Variants in AGBL4 observed in about 807,000 individuals in gnomAD.
The protein encoded by AGBL4 is cytosolic carboxypeptidase 6.
A neutral mutation model predicts 66.4 loss-of-function variants in AGBL4; 58 were observed. The observed-to-expected ratio is 0.87, with a 90% CI of 0.71 to 1.09. The LOEUF (loss-of-function observed/expected upper bound fraction) is 1.09, where lower values mean the gene tolerates loss of function less well. AGBL4 is among the 50% of genes least tolerant of loss of function. The pLI is 0.00. For missense variants in AGBL4, 579 were observed against 631.0 expected (o/e 0.92, Z 0.88); for synonymous variants, 234 against 222.9 (o/e 1.05, Z -0.44).
chr1:49,856,585 A>G (rs1433163329), intron 1 of AGBL4, among the ~76,000 whole-genome samples: 1 of 152,140 alleles, frequency 6.6e-6, no homozygotes, highest in Non-Finnish European at 1.5e-5. Flanking sequence ...ACAAAAATCA[A>G]TAAATGTGAT....
chr1:49,461,900 T>C (rs575631985), intron 3 of AGBL4, among the ~76,000 whole-genome samples: 2 of 151,802 alleles, frequency 1.3e-5, no homozygotes, highest in Non-Finnish European at 2.9e-5. Context: ...TCCAAGACTT[T>C]GCTATTGTGA....
chr1:48,549,156 C>T (rs1322581600), intron 11 of AGBL4, among the ~76,000 whole-genome samples: 3 of 152,164 alleles, frequency 2.0e-5, no homozygotes, highest in Non-Finnish European at 2.9e-5. Flanking sequence ...ATTAATTGTG[C>T]AGAGGGATAG....
chr1:48,972,054 T>A (rs1420907123), intron 5 of AGBL4, among the ~76,000 whole-genome samples: 1 of 152,208 alleles, frequency 6.6e-6, no homozygotes, highest in Non-Finnish European at 1.5e-5. Flanking sequence ...TTGTCCTGCA[T>A]GACTATGGGT....
chr1:49,740,874 C>T (rs931271863), intron 2 of AGBL4, among the ~76,000 whole-genome samples: 1 of 152,124 alleles, frequency 6.6e-6, no homozygotes, highest in African/African-American at 2.4e-5. Flanking sequence ...CACAACATAC[C>T]AGAATCTCTG....
At chr1:49,009,973 C>T (rs1305026566) in intron 5 of AGBL4, among the ~76,000 whole-genome samples, 3 of 151,978 alleles carry the variant, frequency 2.0e-5, no homozygotes, top group Non-Finnish European at 2.9e-5. Flanking sequence ...TGGCACAAGA[C>T]AGGGATGCCC....
At chr1:48,939,865 CG>C (rs1655805492) in intron 5 of AGBL4, among the ~76,000 whole-genome samples, 1 of 152,172 alleles carries the variant, frequency 6.6e-6, no homozygotes, top group Non-Finnish European at 1.5e-5. Context: ...TAACCCACAG[CG>C]GACATCTGAT....
chr1:49,750,750 C>T (rs1651390853), intron 2 of AGBL4, among the ~76,000 whole-genome samples: 1 of 152,104 alleles, frequency 6.6e-6, no homozygotes, highest in Non-Finnish European at 1.5e-5. Context: ...TTGTTTGTGT[C>T]CTCTCTTAGT....
chr1:49,525,230 C>A, intron 3 of AGBL4, among the ~76,000 whole-genome samples: 1 of 151,832 alleles, frequency 6.6e-6, no homozygotes, highest in South Asian at 2.1e-4. Context: ...ATAATAAATA[C>A]ATTAACAAAC....
chr1:49,939,831 A>C (rs371623005), intron 1 of AGBL4, among the ~76,000 whole-genome samples: 7 of 152,228 alleles, frequency 4.6e-5, no homozygotes, highest in Non-Finnish European at 7.3e-5. Flanking sequence ...CAATGGCAAC[A>C]AAAGCCAAAA....
chr1:48,587,104 T>C lies in AGBL4; in HGVS notation c.1167A>G (p.Gly389=). ...AGCAATAGGAAGTGTGGTCCAGGAG[T>C]CCACCGAGGAAGCGACGGCCAGTTC... ...KAGTGRRFLG[G]LLDHTSYCYT... Residue 389 remains glycine (G), a synonymous_variant, in exon 11 of 14, where the codon GGA becomes GGG. Transcript: ENST00000371839. 1 of 1,585,830 alleles carries C rather than the reference T, an allele frequency of 6.3e-7. No individual in the cohort carries two copies. The highest frequency in any genetic ancestry group is 8.6e-7 in the Non-Finnish European group (1 of 1,166,414).
Position 49,561,964 on chromosome 1 carries a change from C to T in AGBL4, c.282+135349G>A, listed in dbSNP as rs539038927. Among the ~76,000 whole-genome samples the T allele has an allele frequency of 1.1e-3, 165 of 152,148 alleles. 1 individual carries two copies. The highest frequency in any genetic ancestry group is 3.7e-3 in the African/African-American group (155 of 41,522). The stretch of plus-strand genomic sequence containing the variant: ...TCCTATTTCTCCACATCCTCTCCAG[C>T]ACCTGTTGTTTCCTGACTTTTTAAT... On this transcript the variant is annotated intron_variant, in intron 3 of 13. Transcript: ENST00000371839.
At chr1:49,515,933 A>G (rs1357657424) in intron 3 of AGBL4, among the ~76,000 whole-genome samples, 4 of 150,918 alleles carry the variant, frequency 2.7e-5, no homozygotes, top group African/African-American at 7.3e-5. Context: ...GATATACCTA[A>G]TGTTAAATGA....
intron 4 of AGBL4, among the ~76,000 whole-genome samples, chr1:49,150,894 C>A (rs755827666): frequency 1.1e-4 from 17 of 152,036 alleles, no homozygotes; most frequent in Non-Finnish European, 2.5e-4. Flanking sequence ...CTGTGCTTGG[C>A]AAATAATGAA....
intron 6 of AGBL4, among the ~76,000 whole-genome samples, chr1:48,861,177 T>C (rs932892298): frequency 7.9e-5 from 12 of 152,136 alleles, no homozygotes; most frequent in Admixed American, 3.9e-4. Flanking sequence ...AATTTATAAA[T>C]GCAAGTTACT....
chr1:49,898,989 T>A (rs1649496988), intron 1 of AGBL4, among the ~76,000 whole-genome samples: 1 of 152,036 alleles, frequency 6.6e-6, no homozygotes, highest in Non-Finnish European at 1.5e-5. Flanking sequence ...GTAGTGTGGA[T>A]GTGAAGAGGA....
At chr1:48,805,667 A>G (rs1448010916) in intron 6 of AGBL4, among the ~76,000 whole-genome samples, 1 of 152,186 alleles carries the variant, frequency 6.6e-6, no homozygotes, top group Non-Finnish European at 1.5e-5. Flanking sequence ...GTGACTCTGC[A>G]AAAGTTACTT....
chr1:48,779,181 C>T (rs763065663), intron 6 of AGBL4, among the ~76,000 whole-genome samples: 71 of 152,310 alleles, frequency 4.7e-4, no homozygotes, highest in Admixed American at 2.6e-3. Flanking sequence ...AAGCTCCGGA[C>T]TATGTTCCCA....
chr1:48,776,832 G>A (rs957444701), intron 6 of AGBL4: 14 of 1,500,124 alleles, frequency 9.3e-6, no homozygotes, highest in Middle Eastern at 2.0e-4. Flanking sequence ...AGGCGTACAT[G>A]GTGGGCGCCG....
At chr1:49,955,607 C>A (rs1265182664) in intron 1 of AGBL4, among the ~76,000 whole-genome samples, 1 of 151,868 alleles carries the variant, frequency 6.6e-6, no homozygotes, top group Non-Finnish European at 1.5e-5. Context: ...ATATCTATAA[C>A]CTTAAACTGA....
Sources: gnomAD v4.1 joint callset for allele counts (sites outside exome capture counted in the v4.1 genomes callset) on GRCh38, gnomAD v4.1.1 for gene constraint, MANE v1.5 for transcripts, NCBI Gene and HGNC (gene_info 2026-07-23, HGNC 2026-07-21) for gene names.